Variants in STXBP3 observed in about 807,000 individuals in gnomAD.
STXBP3 encodes syntaxin binding protein 3.
In STXBP3, 41 loss-of-function variants were observed where a neutral mutation model predicts 85.7. The observed-to-expected ratio is 0.48, with a 90% CI of 0.37 to 0.62. The LOEUF (loss-of-function observed/expected upper bound fraction) is 0.62, where lower values mean the gene tolerates loss of function less well. Among genes scored for constraint, STXBP3 ranks in the 20% least tolerant of loss-of-function variants. STXBP3 has a pLI of 0.00. For synonymous variants in STXBP3, 229 were observed against 231.7 expected, an observed-to-expected ratio of 0.99 and a Z score of 0.10; for missense variants, 563 against 703.1, an observed-to-expected ratio of 0.80 and a Z score of 2.25.
intron 6 of STXBP3, among the ~76,000 whole-genome samples, chr1:108,770,492 GC>G (rs200127116): frequency 4.5e-4 from 32 of 71,562 alleles, no homozygotes; most frequent in Non-Finnish European, 9.3e-4. Context: ...CAGCATCCTA[GC>G]CTTTTGAGCA....
chr1:108,752,351 TA>T, intron 2 of STXBP3, 45 bp downstream of exon 2: 1 of 1,552,676 alleles, frequency 6.4e-7, no homozygotes, highest in Non-Finnish European at 8.9e-7. Context: ...ATACAAACTT[TA>T]AAAACAATAC....
intron 3 of STXBP3, among the ~76,000 whole-genome samples, chr1:108,755,623 C>T (rs1165269613): frequency 6.6e-6 from 1 of 151,812 alleles, no homozygotes; most frequent in African/African-American, 2.4e-5. Context: ...AGCCTGAGCC[C>T]TAAATCATAT....
intron 6 of STXBP3, chr1:108,767,498 C>A: frequency 5.4e-6 from 1 of 186,086 alleles, no homozygotes; most frequent in Non-Finnish European, 1.1e-5. Context: ...TTATTGCCTC[C>A]AACATGCCTC....
intron 18 of STXBP3, 151 bp from the exon 19 acceptor site, chr1:108,808,632 T>A (rs1040380719): frequency 1.4e-6 from 1 of 705,854 alleles, no homozygotes; most frequent in African/African-American, 1.8e-5. Context: ...TATTGCAGCA[T>A]AGGCAGATTT....
chr1:108,758,626 A>G (rs1182695976), intron 5 of STXBP3, 38 bp downstream of exon 5: 10 of 1,298,944 alleles, frequency 7.7e-6, no homozygotes, highest in Non-Finnish European at 9.4e-6. Context: ...ATTGTTCAAA[A>G]TGCCATTGGT....
intron 17 of STXBP3, among the ~76,000 whole-genome samples, chr1:108,802,355 C>T (rs1266295657): frequency 1.3e-5 from 2 of 152,112 alleles, no homozygotes; most frequent in Non-Finnish European, 2.9e-5. Context: ...CAAGATCATG[C>T]CACTGCACTC....
chr1:108,764,237 A>G (rs1570751962), intron 6 of STXBP3, among the ~76,000 whole-genome samples: 1 of 152,076 alleles, frequency 6.6e-6, no homozygotes, highest in Non-Finnish European at 1.5e-5. Context: ...ATGGCTGCTT[A>G]GTATTCTATG....
At chr1:108,761,795 AC>A (rs979907507) in intron 6 of STXBP3, among the ~76,000 whole-genome samples, 1 of 151,898 alleles carries the variant, frequency 6.6e-6, no homozygotes. Context: ...ACATAGTAAA[AC>A]CCCGTCTCTA....
intron 11 of STXBP3, among the ~76,000 whole-genome samples, chr1:108,790,447 A>G (rs559135953): frequency 1.1e-4 from 17 of 152,052 alleles, no homozygotes; most frequent in Admixed American, 8.5e-4. Flanking sequence ...TTTACTTTCA[A>G]CTACCTGTGT....
intron 11 of STXBP3, among the ~76,000 whole-genome samples, chr1:108,783,570 T>C (rs1013768466): frequency 6.6e-6 from 1 of 152,206 alleles, no homozygotes; most frequent in African/African-American, 2.4e-5. Flanking sequence ...CTCCTTTTGA[T>C]GGACATTTAG....
intron 16 of STXBP3, among the ~76,000 whole-genome samples, chr1:108,799,238 G>A (rs375048872): frequency 6.6e-6 from 1 of 152,098 alleles, no homozygotes; most frequent in Middle Eastern, 3.2e-3. Flanking sequence ...AAACATATAT[G>A]AAAAATCTAA....
intron 6 of STXBP3, among the ~76,000 whole-genome samples, chr1:108,771,056 C>G (rs1367377014): frequency 6.6e-6 from 1 of 151,802 alleles, no homozygotes. Context: ...GAGATATAGG[C>G]CGATTTTGGT....
At chr1:108,778,275 C>G (rs1662630946) in intron 8 of STXBP3, among the ~76,000 whole-genome samples, 1 of 151,932 alleles carries the variant, frequency 6.6e-6, no homozygotes, top group African/African-American at 2.4e-5. Context: ...AATACTAATC[C>G]AAAGAATTTA....
chr1:108,749,327 C>CAAG (rs1661857257), intron 1 of STXBP3, among the ~76,000 whole-genome samples: 1 of 152,188 alleles, frequency 6.6e-6, no homozygotes, highest in East Asian at 1.9e-4. Flanking sequence ...CATGTAGCTG[C>CAAG]TTGTATCTGT....
intron 4 of STXBP3, chr1:108,757,054 A>G (rs1662036493): frequency 9.5e-6 from 2 of 209,480 alleles, no homozygotes; most frequent in East Asian, 1.1e-4. Context: ...CTATTGAACT[A>G]TACCTTTTGG....
chr1:108,760,870 A>G (rs1662124717), intron 6 of STXBP3, among the ~76,000 whole-genome samples: 1 of 152,032 alleles, frequency 6.6e-6, no homozygotes, highest in Non-Finnish European at 1.5e-5. Flanking sequence ...TTTCTACTAT[A>G]TTACTTTTAA....
chr1:108,779,083 CTT>C (rs1217610706), intron 8 of STXBP3, among the ~76,000 whole-genome samples: 1 of 152,120 alleles, frequency 6.6e-6, no homozygotes, highest in Non-Finnish European at 1.5e-5. Context: ...TTTTTCCTCT[CTT>C]GGGCTACTCA....
intron 13 of STXBP3, 28 bp from the exon 14 acceptor site, chr1:108,796,206 T>A (rs758096210): frequency 6.2e-7 from 1 of 1,600,012 alleles, no homozygotes; most frequent in South Asian, 1.1e-5. Context: ...TGGTTATAGA[T>A]CACTGACAAT....
chr1:108,753,274 T>A, intron 3 of STXBP3, 130 bp downstream of exon 3: 1 of 541,424 alleles, frequency 1.8e-6, no homozygotes. Context: ...AACTATTAGA[T>A]TTAACATTCT....
Sources: allele counts gnomAD v4.1 joint callset (sites outside exome capture counted in the v4.1 genomes callset), GRCh38; gene constraint gnomAD v4.1.1; transcripts MANE v1.5; gene names NCBI Gene and HGNC (gene_info 2026-07-23, HGNC 2026-07-21).